WWOX: variants seen among roughly 807,000 people sequenced by gnomAD.
The protein encoded by WWOX is WW domain-containing oxidoreductase.
In WWOX, 69 loss-of-function variants were observed where a neutral mutation model predicts 46.2. The ratio of observed to expected loss-of-function variants is 1.49; its 90% confidence interval spans 1.23 to 1.82. The LOEUF (loss-of-function observed/expected upper bound fraction) is 1.82. Ranked by LOEUF, WWOX falls within the 40% of genes most tolerant of loss-of-function variation. The probability of loss-of-function intolerance (pLI) is 0.00; values close to 1 mark genes in which losing one functional copy is unlikely to be tolerated. For missense variants in WWOX, 919 were observed against 542.6 expected (o/e 1.69, Z -6.89); for synonymous variants, 359 against 202.6 (o/e 1.77, Z -6.56).
At chr16:79,103,558 C>G (rs1489322774) in intron 8 of WWOX, among the ~76,000 whole-genome samples, 1 of 152,138 alleles carries the variant, frequency 6.6e-6, no homozygotes, top group Non-Finnish European at 1.5e-5. Flanking sequence ...GGGTGATTGT[C>G]AGCTCCAATT....
intron 5 of WWOX, among the ~76,000 whole-genome samples, chr16:78,185,307 A>G (rs914846270): frequency 3.3e-5 from 5 of 152,224 alleles, no homozygotes; most frequent in Non-Finnish European, 7.3e-5. Context: ...TCAGAAGAAT[A>G]TAGAACAGGC....
At chr16:78,351,225 A>C (rs926388346) in intron 5 of WWOX, among the ~76,000 whole-genome samples, 1 of 152,218 alleles carries the variant, frequency 6.6e-6, no homozygotes, top group Non-Finnish European at 1.5e-5. Context: ...CATCCCCAAC[A>C]AACACTGCTC....
At chr16:78,519,649 A>G (rs1010648994) in intron 8 of WWOX, among the ~76,000 whole-genome samples, 3 of 152,062 alleles carry the variant, frequency 2.0e-5, no homozygotes, top group Non-Finnish European at 2.9e-5. Flanking sequence ...TTAGGACATG[A>G]TAAGGTCCTG....
chr16:79,009,301 T>C (rs2047255895), intron 8 of WWOX, among the ~76,000 whole-genome samples: 1 of 152,158 alleles, frequency 6.6e-6, no homozygotes, highest in Non-Finnish European at 1.5e-5. Flanking sequence ...GAAGGGGCGC[T>C]TTCTGGAATC....
chr16:78,879,331 G>A (rs998589974), intron 8 of WWOX, among the ~76,000 whole-genome samples: 2 of 152,148 alleles, frequency 1.3e-5, no homozygotes, highest in East Asian at 3.9e-4. Context: ...ACCCTCTGAT[G>A]TTGACAACAT....
At chr16:78,626,531 A>G (rs562676568) in intron 8 of WWOX, among the ~76,000 whole-genome samples, 2 of 152,238 alleles carry the variant, frequency 1.3e-5, no homozygotes, top group South Asian at 2.1e-4. Flanking sequence ...ATCACATCGT[A>G]TCAAGCATTC....
chr16:78,204,707 G>C (rs1387706274), intron 5 of WWOX, among the ~76,000 whole-genome samples: 1 of 152,172 alleles, frequency 6.6e-6, no homozygotes, highest in Non-Finnish European at 1.5e-5. Context: ...TGCACAATCG[G>C]AGAGGCAGGA....
At chr16:78,152,578 A>T (rs1202108147) in intron 4 of WWOX, among the ~76,000 whole-genome samples, 1 of 152,122 alleles carries the variant, frequency 6.6e-6, no homozygotes, top group Non-Finnish European at 1.5e-5. Flanking sequence ...CAATGTAGTT[A>T]CCCTTGTAGA....
intron 8 of WWOX, among the ~76,000 whole-genome samples, chr16:78,465,458 G>T (rs2084052077): frequency 6.6e-6 from 1 of 152,216 alleles, no homozygotes; most frequent in Non-Finnish European, 1.5e-5. Context: ...GGGATTACAG[G>T]TGTGAGCCAC....
At chr16:78,544,122 C>T (rs17639886) in intron 8 of WWOX, among the ~76,000 whole-genome samples, 2 of 152,048 alleles carry the variant, frequency 1.3e-5, no homozygotes, top group South Asian at 2.1e-4. Context: ...AATTTACTTG[C>T]ATATATTGGC....
In WWOX at chr16:78,463,620, G is replaced by A. The variant is rs577922095; in HGVS notation, c.1056+30868G>A. ...GATCACATACACTGAAGCATCTTAC[G>A]AATCTGGCACATAGTAGGTTCTCAA... On this transcript the variant is annotated intron_variant, in intron 8 of 8. Transcript: ENST00000566780. 3.3e-5 allele frequency among the ~76,000 whole-genome samples: 5 copies of A among 152,282 alleles called. No homozygotes were observed. The South Asian group carries it at 1.0e-3, about 32-fold the overall frequency.
At chr16:78,857,268 C>G (rs962874234) in intron 8 of WWOX, among the ~76,000 whole-genome samples, 1 of 152,064 alleles carries the variant, frequency 6.6e-6, no homozygotes, top group African/African-American at 2.4e-5. Context: ...AAAAAATTCT[C>G]AACTTTATTT....
chr16:78,733,106 C>T (rs537850004), intron 8 of WWOX, among the ~76,000 whole-genome samples: 5 of 152,100 alleles, frequency 3.3e-5, no homozygotes, highest in Admixed American at 6.5e-5. Context: ...CCATTTGCTC[C>T]GCTGTTACAT....
At chr16:78,802,801 A>G (rs751185766) in intron 8 of WWOX, among the ~76,000 whole-genome samples, 3 of 151,418 alleles carry the variant, frequency 2.0e-5, no homozygotes, top group Non-Finnish European at 4.4e-5. Context: ...CTGTAATCCC[A>G]GCTACATGGG....
At chr16:78,277,943 C>A (rs1407945809) in intron 5 of WWOX, among the ~76,000 whole-genome samples, 1 of 152,138 alleles carries the variant, frequency 6.6e-6, no homozygotes, top group Non-Finnish European at 1.5e-5. Flanking sequence ...GCTGACTTGG[C>A]CCACCATGGG....
chr16:78,465,519 T>G (rs1047163921), intron 8 of WWOX, among the ~76,000 whole-genome samples: 4 of 152,314 alleles, frequency 2.6e-5, no homozygotes, highest in African/African-American at 4.8e-5. Context: ...TTTTATCACA[T>G]GACCACAAGT....
At chr16:78,644,004 C>T (rs537112943) in intron 8 of WWOX, among the ~76,000 whole-genome samples, 28 of 152,210 alleles carry the variant, frequency 1.8e-4, no homozygotes, top group African/African-American at 5.8e-4. Flanking sequence ...GGGCAGATCA[C>T]GTGAGGTCAG....
chr16:79,113,341 G>C (rs1026510377), intron 8 of WWOX, among the ~76,000 whole-genome samples: 1 of 152,158 alleles, frequency 6.6e-6, no homozygotes, highest in East Asian at 1.9e-4. Flanking sequence ...TGCCGTCTCT[G>C]AGTTATGCCC....
chr16:79,010,958 A>G (rs1335683791), intron 8 of WWOX, among the ~76,000 whole-genome samples: 1 of 151,962 alleles, frequency 6.6e-6, no homozygotes, highest in African/African-American at 2.4e-5. Context: ...CTTGGAGAGA[A>G]ATAGGGAGGT....
Sources: gnomAD v4.1 joint callset for allele counts (sites outside exome capture counted in the v4.1 genomes callset) on GRCh38, gnomAD v4.1.1 for gene constraint, MANE v1.5 for transcripts, NCBI Gene and HGNC (gene_info 2026-07-23, HGNC 2026-07-21) for gene names.